Variants in GSTA4 observed in about 807,000 individuals in gnomAD.
GSTA4 encodes the protein glutathione S-transferase A4.
A neutral mutation model predicts 24.4 loss-of-function variants in GSTA4; 15 were observed. The ratio of observed to expected loss-of-function variants is 0.61; its 90% CI spans 0.41 to 0.95. GSTA4 has a LOEUF of 0.95. Ranked by LOEUF, GSTA4 falls within the 40% of genes least tolerant of loss-of-function variation. The pLI, the probability that GSTA4 is intolerant of heterozygous loss-of-function variation, is 0.00. For synonymous variants in GSTA4, 92 were observed against 94.2 expected, an observed-to-expected ratio of 0.98 and a Z score of 0.13; for missense variants, 244 against 262.1, an observed-to-expected ratio of 0.93 and a Z score of 0.48.
chr6:52,988,790 ATGT>A (rs1763610272), intron 2 of GSTA4, among the ~76,000 whole-genome samples: 1 of 152,200 alleles, frequency 6.6e-6, no homozygotes, highest in African/African-American at 2.4e-5. Flanking sequence ...TGCATATTAG[ATGT>A]TGTGAAGGCA....
chr6:52,982,602 T>G lies in GSTA4; in HGVS notation c.518A>C (p.Asn173Thr). 7 of 1,610,370 alleles carry G rather than the reference T, an allele frequency of 4.3e-6. No individual in the cohort carries two copies. Among genetic ancestry groups the G allele is most frequent in the Non-Finnish European group, 5.9e-6 (7 of 1,176,910 alleles). Residue 173 changes from asparagine to threonine, a missense_variant, in exon 6 of 7, where the codon AAT becomes ACT. Coordinates refer to ENST00000370963, the MANE Select transcript of GSTA4 (RefSeq NM_001512.4). ...GAGGAAAGGAAATGCAGACAGGATA[T>G]TAGGAATTTTCTCTTCTAGAGCTAA... ...TILALEEKIPNILSAFPFLQE... is the reference protein window; with the variant it reads ...TILALEEKIPTILSAFPFLQE...
At chr6:52,994,370 GTTC>G (rs999691115) in intron 1 of GSTA4, 109 bp from the exon 2 acceptor site, 5 of 553,912 alleles carry the variant, frequency 9.0e-6, no homozygotes, top group African/African-American at 7.5e-5. Context: ...ACGGGAAACT[GTTC>G]TTTATTTTTG....
At chr6:52,988,009 C>G (rs937394538) in intron 2 of GSTA4, 1 of 152,186 alleles carries the variant, frequency 6.6e-6, no homozygotes, top group Non-Finnish European at 1.5e-5. Flanking sequence ...GTTAAACAGT[C>G]TTAAGAAGCA....
chr6:52,986,949 A>G (rs888441562), intron 3 of GSTA4, among the ~76,000 whole-genome samples: 6 of 152,186 alleles, frequency 3.9e-5, no homozygotes, highest in Non-Finnish European at 7.3e-5. Flanking sequence ...TTTACTTCAG[A>G]AAGTACCCCA....
At chr6:52,987,763 C>A in intron 2 of GSTA4, 1 of 171,598 alleles carries the variant, frequency 5.8e-6, no homozygotes, top group Non-Finnish European at 1.2e-5. Flanking sequence ...ACGTATTACA[C>A]AGTTCAAAAT....
chr6:52,992,993 C>G (rs1298474869), intron 2 of GSTA4, among the ~76,000 whole-genome samples: 1 of 152,018 alleles, frequency 6.6e-6, no homozygotes, highest in Non-Finnish European at 1.5e-5. Context: ...GTCCCAGCTA[C>G]TAGGTAGGCT....
chr6:52,994,903 G>T, intron 1 of GSTA4, among the ~76,000 whole-genome samples: 1 of 152,136 alleles, frequency 6.6e-6, no homozygotes. Flanking sequence ...ACTCTCCCAT[G>T]CTCGTCTTCC....
intron 5 of GSTA4, 124 bp downstream of exon 5, chr6:52,984,340 A>T: frequency 1.2e-6 from 1 of 840,718 alleles, no homozygotes; most frequent in Non-Finnish European, 1.9e-6. Context: ...GGAGTCCATT[A>T]GCGCTTAGGT....
At chr6:52,988,940 T>C (rs1171771625) in intron 2 of GSTA4, among the ~76,000 whole-genome samples, 1 of 152,126 alleles carries the variant, frequency 6.6e-6, no homozygotes, top group Non-Finnish European at 1.5e-5. Flanking sequence ...TGAGACCTAC[T>C]GGGGGGCTGT....
intron 2 of GSTA4, among the ~76,000 whole-genome samples, chr6:52,988,848 A>G (rs528298112): frequency 6.6e-6 from 1 of 152,250 alleles, no homozygotes; most frequent in Admixed American, 6.5e-5. Flanking sequence ...GGTTATTAGG[A>G]CAATTATTTA....
chr6:52,979,255 C>T (rs1763404458), intron 6 of GSTA4, among the ~76,000 whole-genome samples: 1 of 152,160 alleles, frequency 6.6e-6, no homozygotes. Context: ...TCGGACTAGC[C>T]ACCTGAAGTG....
In GSTA4 at chr6:52,994,187, C is replaced by A. The variant is rs1296840446; in HGVS notation, c.57G>T (p.Val19=). Residue 19 remains valine (V), a synonymous_variant, in exon 2 of 7, where the codon GTG becomes GTT. Transcript: ENST00000370963. ...CTCCGGCGGCAGCTAAAACCCATCT[C>A]ACGGACTCCATCCGGCCTCTTCCGT... The part of the protein sequence containing the change: ...YPNGRGRMES[V]RWVLAAAGVE... 1 of 1,613,520 alleles carries A rather than the reference C, an allele frequency of 6.2e-7. No individual in the cohort carries two copies. Among genetic ancestry groups the A allele is most frequent in the Non-Finnish European group, 8.5e-7 (1 of 1,179,422 alleles).
chr6:52,983,935 A>G (rs569580480), intron 5 of GSTA4, among the ~76,000 whole-genome samples: 1 of 152,334 alleles, frequency 6.6e-6, no homozygotes, highest in Non-Finnish European at 1.5e-5. Context: ...ACACTAAAAA[A>G]GTTCCTCCCA....
At chr6:52,991,092 C>T (rs1763651497) in intron 2 of GSTA4, among the ~76,000 whole-genome samples, 1 of 152,260 alleles carries the variant, frequency 6.6e-6, no homozygotes, top group South Asian at 2.1e-4. Flanking sequence ...CAACAACTCA[C>T]ATTTGCATCT....
chr6:52,986,458 C>T (rs1036274328), intron 3 of GSTA4, among the ~76,000 whole-genome samples: 15 of 152,220 alleles, frequency 9.9e-5, no homozygotes, highest in African/African-American at 2.9e-4. Flanking sequence ...CTCATGTATA[C>T]TCTATGGCTA....
chr6:52,982,765 T>G, intron 5 of GSTA4, 60 bp from the exon 6 acceptor site: 1 of 1,274,774 alleles, frequency 7.8e-7, no homozygotes, highest in Non-Finnish European at 1.1e-6. Flanking sequence ...GATGAGGCTA[T>G]TGAATCAGTG....
At chr6:52,980,107 GGTT>G (rs1763420680) in intron 6 of GSTA4, among the ~76,000 whole-genome samples, 2 of 152,220 alleles carry the variant, frequency 1.3e-5, no homozygotes, top group South Asian at 4.2e-4. Context: ...CTTAAAAAAG[GGTT>G]GTTATTATAG....
chr6:52,987,090 G>A (rs1310018294), intron 3 of GSTA4, among the ~76,000 whole-genome samples: 4 of 152,154 alleles, frequency 2.6e-5, no homozygotes, highest in African/African-American at 9.7e-5. Flanking sequence ...AGAGATTGGA[G>A]GGGAGAGGGG....
At chr6:52,980,105 A>T (rs1763420548) in intron 6 of GSTA4, among the ~76,000 whole-genome samples, 1 of 152,220 alleles carries the variant, frequency 6.6e-6, no homozygotes, top group Non-Finnish European at 1.5e-5. Context: ...GGCTTAAAAA[A>T]GGGTTGTTAT....
Sources: gnomAD v4.1 joint callset for allele counts (sites outside exome capture counted in the v4.1 genomes callset) on GRCh38, gnomAD v4.1.1 for gene constraint, MANE v1.5 for transcripts, NCBI Gene and HGNC (gene_info 2026-07-23, HGNC 2026-07-21) for gene names.